CYREN: variants seen among roughly 807,000 people sequenced by gnomAD.
The protein encoded by CYREN is cell cycle regulator of non-homologous end joining.
CYREN carries 7 observed loss-of-function variants against 9.7 expected under a neutral mutation model. The observed-to-expected ratio is 0.72, with a 90% confidence interval of 0.41 to 1.36. The LOEUF (loss-of-function observed/expected upper bound fraction) is 1.36. CYREN is among the 40% of genes most tolerant of loss of function. The probability of loss-of-function intolerance (pLI) is 0.01; values close to 1 mark genes in which losing one functional copy is unlikely to be tolerated. For synonymous variants in CYREN, 76 were observed against 77.9 expected (o/e 0.98, Z 0.13); for missense variants, 215 against 198.1 (o/e 1.09, Z -0.51).
chr7:135,167,446 C>T, intron 3 of CYREN: 1 of 1,262,386 alleles, frequency 7.9e-7, no homozygotes, highest in Non-Finnish European at 1.0e-6. Flanking sequence ...CTTCATGTCC[C>T]ATCCACATAC....
chr7:135,121,097 C>T (rs28813803), intron 2 of CYREN, among the ~76,000 whole-genome samples: 8 of 152,152 alleles, frequency 5.3e-5, no homozygotes, highest in Middle Eastern at 6.8e-3. Context: ...CCCAGCTACT[C>T]GGGAGGCTGA....
chr7:135,148,588 T>C lies in CYREN; in HGVS notation n.356+20161A>G, dbSNP rs141191890. Among the ~76,000 whole-genome samples, 11 of 152,326 alleles carry C rather than the reference T, an allele frequency of 7.2e-5. No homozygotes were observed. The East Asian group carries it at 2.1e-3, about 29-fold the overall frequency. On this transcript the variant is annotated intron_variant and non_coding_transcript_variant, in intron 2 of 2. Transcript: ENST00000459937. ...GCACACAGCAGAGTCTTGCACGCAG[T>C]GTGTACAAGGACATGGCTGTGGCTT... is the stretch of plus-strand genomic sequence containing the variant.
intron 2 of CYREN, among the ~76,000 whole-genome samples, chr7:135,133,847 T>C (rs1829119297): frequency 1.3e-5 from 2 of 152,062 alleles, no homozygotes. Context: ...GGATGAATTA[T>C]TAAACCAACT....
intron 3 of CYREN, 143 bp from the exon 4 acceptor site, chr7:135,167,014 C>A: frequency 2.7e-6 from 4 of 1,464,156 alleles, no homozygotes; most frequent in Non-Finnish European, 3.6e-6. Flanking sequence ...TCCTGAGCAC[C>A]CACCCTCTCT....
At chr7:135,130,644 C>T (rs979907117) in intron 2 of CYREN, among the ~76,000 whole-genome samples, 1 of 151,664 alleles carries the variant, frequency 6.6e-6, no homozygotes, top group African/African-American at 2.4e-5. Flanking sequence ...TATATTCATC[C>T]CAAGCTGAAT....
At chr7:135,118,363 G>GA (rs995466070) in intron 2 of CYREN, among the ~76,000 whole-genome samples, 7 of 152,032 alleles carry the variant, frequency 4.6e-5, no homozygotes, top group African/African-American at 1.7e-4. Flanking sequence ...TTGTCACCTA[G>GA]ACCCCACCCC....
At chr7:135,096,787 G>GAA (rs927180939) in intron 2 of CYREN, among the ~76,000 whole-genome samples, 4 of 147,052 alleles carry the variant, frequency 2.7e-5, no homozygotes, top group Non-Finnish European at 4.5e-5. Context: ...AAGAAAGAAA[G>GAA]AAAGAAAAAG....
intron 2 of CYREN, among the ~76,000 whole-genome samples, chr7:135,111,500 C>G (rs1346341741): frequency 6.6e-6 from 1 of 152,186 alleles, no homozygotes; most frequent in African/African-American, 2.4e-5. Context: ...CATCCCATGT[C>G]TCAGTCAGTG....
At chr7:135,102,736 C>G (rs538743085) in intron 2 of CYREN, among the ~76,000 whole-genome samples, 7 of 151,676 alleles carry the variant, frequency 4.6e-5, no homozygotes, top group African/African-American at 9.7e-5. Context: ...AAAATTAACC[C>G]TAACCCTTGT....
intron 2 of CYREN, among the ~76,000 whole-genome samples, chr7:135,112,155 T>A (rs1825730716): frequency 6.6e-6 from 1 of 152,368 alleles, no homozygotes; most frequent in Admixed American, 6.5e-5. Flanking sequence ...ATCCTAATGC[T>A]ACCGCTAATT....
intron 2 of CYREN, chr7:135,115,764 G>A: frequency 1.7e-6 from 1 of 595,950 alleles, no homozygotes; most frequent in Non-Finnish European, 2.9e-6. Flanking sequence ...ACCCAAAGCT[G>A]TCAGAAAACA....
At chr7:135,092,909 G>T (rs1822065399) in exon 3 of CYREN, 1 of 151,664 alleles carries the variant, frequency 6.6e-6, no homozygotes, top group African/African-American at 2.4e-5. Flanking sequence ...CATGTTAATA[G>T]AATATAAAGA....
chr7:135,129,144 T>G lies in CYREN; in HGVS notation n.357-34562A>C, dbSNP rs956435970. 36 of 1,494,916 alleles carry G rather than the reference T, an allele frequency of 2.4e-5. No individual in the cohort carries two copies. The African/African-American group carries it at 3.9e-4, about 16-fold the overall frequency. The allele number at this position is 1,494,916 out of a possible 1,614,324, so 92.6% of individuals were successfully genotyped here. On this transcript the variant is annotated intron_variant and non_coding_transcript_variant, in intron 2 of 2. Coordinates refer to the CYREN transcript ENST00000459937. ...AGCAGAGTTATTTGCCTATTATGAC[T>G]GCCTTCTCCTCCAGTCCACCTTGGA...
At chr7:135,102,944 C>A (rs1193597506) in intron 2 of CYREN, among the ~76,000 whole-genome samples, 2 of 152,226 alleles carry the variant, frequency 1.3e-5, no homozygotes, top group African/African-American at 4.8e-5. Context: ...CAAAATCATT[C>A]TCTTTAAAAG....
chr7:135,171,156 A>G (rs2117581979), upstream of CYREN, among the ~76,000 whole-genome samples: 1 of 152,354 alleles, frequency 6.6e-6, no homozygotes, highest in South Asian at 2.1e-4. Flanking sequence ...AGAATAGCGT[A>G]AGTACTAATA....
chr7:135,141,997 GC>G, intron 2 of CYREN, among the ~76,000 whole-genome samples: 1 of 152,202 alleles, frequency 6.6e-6, no homozygotes, highest in Admixed American at 6.5e-5. Context: ...TGTGCCATAT[GC>G]AAATGAGAAG....
intron 2 of CYREN, among the ~76,000 whole-genome samples, chr7:135,141,647 T>C (rs1463268773): frequency 1.3e-5 from 2 of 152,096 alleles, no homozygotes; most frequent in African/African-American, 2.4e-5. Flanking sequence ...TGGTGTTAGA[T>C]TGTAAATGTG....
intron 2 of CYREN, among the ~76,000 whole-genome samples, chr7:135,122,413 G>A (rs866775569): frequency 2.0e-4 from 30 of 152,296 alleles, no homozygotes; most frequent in African/African-American, 7.0e-4. Flanking sequence ...CTAGCGGGAG[G>A]GGTGACCACA....
chr7:135,094,365 TGA>T (rs780210062), exon 3 of CYREN: 18 of 456,702 alleles, frequency 3.9e-5, no homozygotes, highest in South Asian at 2.8e-4. Context: ...GAGTCACTGC[TGA>T]GATCTGCTTG....
Sources: gnomAD v4.1 joint callset for allele counts (sites outside exome capture counted in the v4.1 genomes callset) on GRCh38, gnomAD v4.1.1 for gene constraint, MANE v1.5 for transcripts, NCBI Gene and HGNC (gene_info 2026-07-23, HGNC 2026-07-21) for gene names.